Variants in ACAA1 observed in about 807,000 individuals in gnomAD.
ACAA1 encodes the protein acetyl-CoA acyltransferase 1.
Under a neutral mutation model 48.8 loss-of-function variants are expected in ACAA1, and 44 were observed. That is an observed-to-expected ratio of 0.90 (90% CI 0.71 to 1.16). The LOEUF (loss-of-function observed/expected upper bound fraction) is 1.16, where lower values mean the gene tolerates loss of function less well. Among genes scored for constraint, ACAA1 ranks in the 50% most tolerant of loss-of-function variants. The pLI is 0.00. For synonymous variants in ACAA1, 233 were observed against 226.5 expected (o/e 1.03, Z -0.26); for missense variants, 512 against 562.3 (o/e 0.91, Z 0.90).
At position 38,131,631 on chromosome 3, in the gene ACAA1, G is replaced by C. The variant is rs759767903; in HGVS notation, c.411C>G (p.Ile137Met). The C allele has an allele frequency of 6.2e-7, 1 of 1,614,200 alleles. No individual in the cohort carries two copies. Among genetic ancestry groups the C allele is most frequent in the South Asian group, 1.1e-5 (1 of 91,088 alleles). The change falls in exon 5 of 12, where the codon ATC (isoleucine) becomes ATG (methionine). Residue 137 changes from isoleucine to methionine, a missense_variant. Physicochemically the swap from Ile to Met is conservative, Grantham distance 10. Transcript: ENST00000333167. ...TGCCAATGTCATAAGACCCATTTCT[G>C]ATGCCACCTGTAACAAAAGCATTTC... ...LQAVASIAGG[I>M]RNGSYDIGMA...
rs114521385 is a variant in ACAA1, at chr3:38,126,083, T to C, written c.997+79A>G. 5.4e-4 allele frequency: 840 copies of C among 1,542,188 alleles called. 3 individuals are homozygous for C. The African/African-American group carries it at 0.01, about 19-fold the overall frequency. On this transcript the variant is annotated intron_variant, in intron 9 of 11. Coordinates refer to ENST00000333167, the MANE Select transcript of ACAA1 (RefSeq NM_001607.4). This position sits in a 1 kb window ranked among gnomAD's most constrained non-coding sequence, Gnocchi z 4.7. ...CTCTGCAGCACCCACAGGACCACCC[T>C]CATGCCCCTGGCAACAGCATGCAGG...
chr3:38,134,985 C>T (rs144640973), intron 2 of ACAA1, among the ~76,000 whole-genome samples: 130 of 151,164 alleles, frequency 8.6e-4, no homozygotes, highest in East Asian at 5.7e-3. Flanking sequence ...GGTGTAAAGC[C>T]GACTATTGGT....
chr3:38,126,535 G>A lies in ACAA1; in HGVS notation c.792C>T (p.Phe264=), dbSNP rs150485297. The A allele has an allele frequency of 4.5e-5, 73 of 1,614,198 alleles. No homozygotes were observed. The Middle Eastern group carries it at 9.9e-4, about 22-fold the overall frequency. ...CAGCTGTGGTAGAACCATCTTTCTT[G>A]AAGGCAGGCTTCAGTTTGGCCAGGC... ...MEGLAKLKPA[F]KKDGSTTAGN... The change falls in exon 8 of 12, where the codon TTC becomes TTT. Residue 264 remains phenylalanine, a synonymous_variant. Coordinates refer to ENST00000333167, the MANE Select transcript of ACAA1 (RefSeq NM_001607.4). This position sits in a 1 kb window ranked among gnomAD's most constrained non-coding sequence, Gnocchi z 4.7.
rs1316635451 is a variant in ACAA1, at chr3:38,136,918, C to A, written c.118G>T (p.Val40Leu). 2 of 1,538,168 alleles carry A rather than the reference C, an allele frequency of 1.3e-6. No homozygotes were observed. Among genetic ancestry groups the A allele is most frequent in the East Asian group, 4.9e-5 (2 of 40,466 alleles). Residue 40 changes from valine to leucine, a missense_variant, in exon 1 of 12, where the codon GTG becomes TTG. By Grantham distance (32) the Val-to-Leu change is conservative. Coordinates refer to ENST00000333167, the MANE Select transcript of ACAA1 (RefSeq NM_001607.4). ...APQASAADVV[V>L]VHGRRTAICR... The stretch of plus-strand genomic sequence containing the variant: ...ATGGCCGTGCGCCGCCCGTGCACCA[C>A]CACCACGTCCGCGGCCGAGGCCTGC...
At chr3:38,131,465 GA>G in intron 5 of ACAA1, 130 bp downstream of exon 5, 1 of 895,202 alleles carries the variant, frequency 1.1e-6, no homozygotes, top group African/African-American at 1.7e-5. Context: ...GCATTTGTGA[GA>G]ACCCACTCGT....
intron 6 of ACAA1, among the ~76,000 whole-genome samples, chr3:38,128,971 C>T (rs924932575): frequency 1.3e-5 from 2 of 152,248 alleles, no homozygotes; most frequent in Admixed American, 6.5e-5. Context: ...AAGCTTCCCA[C>T]TGCCTTCTCA....
intron 11 of ACAA1, 119 bp from the exon 12 acceptor site, chr3:38,123,241 G>A: frequency 1.1e-6 from 1 of 934,510 alleles, no homozygotes; most frequent in Non-Finnish European, 1.7e-6. Flanking sequence ...CCAGATCTGT[G>A]GGCAAGCGGT....
Position 38,123,012 on chromosome 3 carries a change from A to ACTGT in ACAA1, c.*31_*34dup, listed in dbSNP as rs1700568005. 7 of 1,606,414 alleles carry ACTGT rather than the reference A, an allele frequency of 4.4e-6. No homozygotes were observed. In the African/African-American group the frequency reaches 6.7e-5, roughly 15 times the overall value. On this transcript the variant is annotated 3_prime_UTR_variant, in exon 12 of 12. Transcript: ENST00000333167. ...ACTGCCTTGCTGCTAGAGCAGCAGG[A>ACTGT]CTGTCTGCGTAGCGCCTCCAGCCTG...
chr3:38,125,735 A>G (rs956581427), intron 10 of ACAA1, 25 bp from the exon 11 acceptor site: 3 of 1,613,234 alleles, frequency 1.9e-6, no homozygotes, highest in East Asian at 2.2e-5. Context: ...ATCATCACCT[A>G]TAGCCCTCTT....
At chr3:38,131,479 C>A in intron 5 of ACAA1, 117 bp downstream of exon 5, 1 of 1,098,548 alleles carries the variant, frequency 9.1e-7, no homozygotes, top group Admixed American at 1.8e-5. Context: ...CCACTCGTGG[C>A]CAGCTGCCTA....
intron 11 of ACAA1, chr3:38,124,018 A>T (rs1297758429): frequency 2.0e-5 from 3 of 152,152 alleles, no homozygotes; most frequent in Admixed American, 2.0e-4. Flanking sequence ...GTCAAAAAAA[A>T]AAAAAAATGT....
intron 3 of ACAA1, 59 bp downstream of exon 3, chr3:38,133,893 G>T: frequency 6.4e-7 from 1 of 1,568,182 alleles, no homozygotes; most frequent in Middle Eastern, 1.7e-4. Context: ...GTTTCCTGGG[G>T]CCTGGGCCCA....
intron 3 of ACAA1, 31 bp downstream of exon 3, chr3:38,133,921 C>A (rs1334908358): frequency 1.9e-6 from 3 of 1,613,330 alleles, no homozygotes; most frequent in African/African-American, 1.3e-5. Flanking sequence ...GTCAAAATGG[C>A]CAACCCATGG....
At chr3:38,135,599 A>C (rs907319558) in intron 2 of ACAA1, among the ~76,000 whole-genome samples, 2 of 152,112 alleles carry the variant, frequency 1.3e-5, no homozygotes, top group Admixed American at 6.5e-5. Flanking sequence ...ACTTTACACA[A>C]ACATCTCAGT....
In ACAA1 at chr3:38,126,799, C is replaced by T. The variant is rs1051530590; in HGVS notation, c.627-99G>A. ...TTTGGGTAGACACAAGCTCAGGCTGCTAAATTCAGGGACATGCTCGACTTT... is the reference window on the plus strand; with the variant it reads ...TTTGGGTAGACACAAGCTCAGGCTGTTAAATTCAGGGACATGCTCGACTTT... On this transcript the variant is annotated intron_variant, in intron 7 of 11. Transcript: ENST00000333167. The surrounding 1 kb of genome is among the most constrained non-coding windows in gnomAD (Gnocchi z 4.7). The T allele has an allele frequency of 2.8e-6, 4 of 1,452,174 alleles. No homozygotes were observed. The highest frequency in any genetic ancestry group is 3.8e-6 in the Non-Finnish European group (4 of 1,058,924). The allele number at this position is 1,452,174 out of a possible 1,614,324, so 90.0% of individuals were successfully genotyped here.
chr3:38,136,746 A>C, intron 1 of ACAA1, 61 bp from the exon 2 acceptor site: 1 of 1,520,402 alleles, frequency 6.6e-7, no homozygotes, highest in Non-Finnish European at 8.8e-7. Context: ...CAGGGAGACA[A>C]AGCGACCACA....
At position 38,129,249 on chromosome 3, in the gene ACAA1, G is replaced by C. The variant is rs1229321869; in HGVS notation, c.545+41C>G. 1.3e-6 allele frequency: 2 copies of C among 1,565,304 alleles called. No individual in the cohort carries two copies. The highest frequency in any genetic ancestry group is 1.8e-6 in the Non-Finnish European group (2 of 1,138,100). On this transcript the variant is annotated intron_variant, in intron 6 of 11. Transcript: ENST00000333167. The surrounding 1 kb of genome is among the most constrained non-coding windows in gnomAD (Gnocchi z 5.3). The stretch of plus-strand genomic sequence containing the variant: ...AAAGTTCCTTGGCTCCCTGCCCCAG[G>C]CAGAGAGGGCACAAGCACACAGAGC...
Position 38,129,956 on chromosome 3 carries a change from C to T in ACAA1, c.447-568G>A, listed in dbSNP as rs1490484791. Among the ~76,000 whole-genome samples, 1 of 152,190 alleles carries T rather than the reference C, an allele frequency of 6.6e-6. No individual in the cohort carries two copies. The highest frequency in any genetic ancestry group is 2.4e-5 in the African/African-American group (1 of 41,422). On this transcript the variant is annotated intron_variant, in intron 5 of 11. Coordinates refer to ENST00000333167, the MANE Select transcript of ACAA1 (RefSeq NM_001607.4). This position sits in a 1 kb window ranked among gnomAD's most constrained non-coding sequence, Gnocchi z 5.3. ...GTGGGAGGCTGAGGCAGGAGAATGG[C>T]GTAAACCCAGGAGGCGGAACTTGCA...
chr3:38,131,703 C>G (rs1043855240), intron 4 of ACAA1, 65 bp from the exon 5 acceptor site: 17 of 1,548,878 alleles, frequency 1.1e-5, no homozygotes, highest in Admixed American at 1.7e-5. Context: ...GCAGTGGAGC[C>G]TCTTCCCCAC....
Sources: allele counts gnomAD v4.1 joint callset (sites outside exome capture counted in the v4.1 genomes callset), GRCh38; gene constraint gnomAD v4.1.1; non-coding constraint Gnocchi (gnomAD v3.1); transcripts MANE v1.5; gene names NCBI Gene and HGNC (gene_info 2026-07-23, HGNC 2026-07-21).